The following CDH12 variants were observed in gnomAD, a reference collection of about 807,000 sequenced individuals.
CDH12 encodes the protein cadherin 12.
A neutral mutation model predicts 74.1 loss-of-function variants in CDH12; 41 were observed. The ratio of observed to expected loss-of-function variants is 0.55; its 90% CI spans 0.43 to 0.72. The LOEUF is 0.72. Among genes scored for constraint, CDH12 ranks in the 30% least tolerant of loss-of-function variants. The pLI, the probability that CDH12 is intolerant of heterozygous loss-of-function variation, is 0.00. For synonymous variants in CDH12, 399 were observed against 355.0 expected, an observed-to-expected ratio of 1.12 and a Z score of -1.39; for missense variants, 945 against 977.2, an observed-to-expected ratio of 0.97 and a Z score of 0.44.
intron 3 of CDH12, among the ~76,000 whole-genome samples, chr5:22,323,852 T>C (rs1317827139): frequency 6.6e-6 from 1 of 152,164 alleles, no homozygotes; most frequent in Non-Finnish European, 1.5e-5. Flanking sequence ...CCTAGAGCAC[T>C]GGTTTAGGTT....
intron 1 of CDH12, among the ~76,000 whole-genome samples, chr5:22,840,969 G>A (rs546136780): frequency 3.3e-5 from 5 of 152,226 alleles, no homozygotes; most frequent in East Asian, 3.9e-4. Flanking sequence ...GAAGAACAAG[G>A]GGAAGGATGC....
intron 4 of CDH12, chr5:22,142,698 C>T (rs1032793108): frequency 5.1e-5 from 17 of 331,176 alleles, no homozygotes; most frequent in African/African-American, 3.3e-4. Context: ...CTCAATTACA[C>T]CTGCCAAAAA....
Position 21,895,466 on chromosome 5 carries a change from C to T in CDH12, c.527-40676G>A, listed in dbSNP as rs188023183. 1.3e-4 allele frequency among the ~76,000 whole-genome samples: 20 copies of T among 152,274 alleles called. No individual in the cohort carries two copies. The East Asian group carries it at 2.3e-3, about 18-fold the overall frequency. On this transcript the variant is annotated intron_variant, in intron 6 of 14. Transcript: ENST00000382254. Reference sequence around the variant, plus strand: ...AGCTTCTTGACTTAGCCCATCAGGACGCTCATCCTGCCCTTAAGGAGCTGC... The same window carrying T: ...AGCTTCTTGACTTAGCCCATCAGGATGCTCATCCTGCCCTTAAGGAGCTGC...
At chr5:22,533,665 T>C (rs1328808085) in intron 1 of CDH12, among the ~76,000 whole-genome samples, 1 of 152,136 alleles carries the variant, frequency 6.6e-6, no homozygotes. Flanking sequence ...GTAGGTTGGG[T>C]TTAGAATTCA....
chr5:22,211,334 T>C (rs544798949), intron 4 of CDH12, among the ~76,000 whole-genome samples: 1 of 152,314 alleles, frequency 6.6e-6, no homozygotes, highest in South Asian at 2.1e-4. Context: ...TGTTTCAGTA[T>C]TATACGTGAT....
chr5:22,180,071 C>T (rs1293557331), intron 4 of CDH12, among the ~76,000 whole-genome samples: 1 of 152,120 alleles, frequency 6.6e-6, no homozygotes, highest in East Asian at 1.9e-4. Context: ...TCATTAATTT[C>T]CCTCATTTAT....
intron 1 of CDH12, among the ~76,000 whole-genome samples, chr5:22,636,712 G>A (rs920759792): frequency 6.6e-6 from 1 of 152,144 alleles, no homozygotes; most frequent in African/African-American, 2.4e-5. Flanking sequence ...CAGAGGAAAG[G>A]GTGATGAAAA....
intron 2 of CDH12, among the ~76,000 whole-genome samples, chr5:22,407,129 A>T (rs915899263): frequency 2.0e-5 from 3 of 152,108 alleles, no homozygotes; most frequent in Non-Finnish European, 4.4e-5. Context: ...ATCAATGTAC[A>T]CATTATATCC....
At chr5:22,767,067 C>A (rs921540119) in intron 1 of CDH12, among the ~76,000 whole-genome samples, 4 of 151,920 alleles carry the variant, frequency 2.6e-5, no homozygotes, top group Non-Finnish European at 4.4e-5. Flanking sequence ...ACACTCATTG[C>A]ATGTATTTGA....
chr5:21,897,868 T>C (rs931329135), intron 6 of CDH12, among the ~76,000 whole-genome samples: 3 of 152,184 alleles, frequency 2.0e-5, no homozygotes, highest in African/African-American at 7.2e-5. Context: ...GATTGAAATT[T>C]TAAAGGCTTC....
chr5:22,701,130 T>C (rs1742693452), intron 1 of CDH12, among the ~76,000 whole-genome samples: 1 of 152,146 alleles, frequency 6.6e-6, no homozygotes, highest in Non-Finnish European at 1.5e-5. Context: ...CAAATTTATT[T>C]CTCTAACAAG....
intron 1 of CDH12, among the ~76,000 whole-genome samples, chr5:22,780,748 G>A (rs754788396): frequency 1.2e-4 from 19 of 152,060 alleles, no homozygotes; most frequent in Admixed American, 5.9e-4. Context: ...ACACTCTGGC[G>A]TAGGTGACAG....
At chr5:22,662,876 C>T (rs1004048455) in intron 1 of CDH12, among the ~76,000 whole-genome samples, 2 of 152,136 alleles carry the variant, frequency 1.3e-5, no homozygotes, top group Non-Finnish European at 2.9e-5. Context: ...TCACTCCTCC[C>T]CAACAGTGAA....
At chr5:22,274,583 A>C (rs1006245643) in intron 3 of CDH12, among the ~76,000 whole-genome samples, 1 of 152,040 alleles carries the variant, frequency 6.6e-6, no homozygotes, top group African/African-American at 2.4e-5. Flanking sequence ...TTTTGAAGTT[A>C]CTATTTTCAG....
intron 3 of CDH12, among the ~76,000 whole-genome samples, chr5:22,260,021 T>C (rs971513832): frequency 6.6e-6 from 1 of 152,098 alleles, no homozygotes; most frequent in Non-Finnish European, 1.5e-5. Flanking sequence ...CATGTGTGTC[T>C]ATTAAATCCA....
chr5:22,316,370 A>T (rs1738635265), intron 3 of CDH12, among the ~76,000 whole-genome samples: 1 of 152,124 alleles, frequency 6.6e-6, no homozygotes, highest in Admixed American at 6.5e-5. Flanking sequence ...TTAAAAATAA[A>T]AAGTTTGTAG....
At chr5:22,820,668 C>T (rs1421055472) in intron 1 of CDH12, among the ~76,000 whole-genome samples, 1 of 152,114 alleles carries the variant, frequency 6.6e-6, no homozygotes, top group East Asian at 1.9e-4. Flanking sequence ...CATACATCCT[C>T]CCAAGACTAA....
intron 6 of CDH12, among the ~76,000 whole-genome samples, chr5:21,953,096 A>C (rs1039076585): frequency 6.6e-6 from 1 of 151,114 alleles, no homozygotes; most frequent in African/African-American, 2.4e-5. Flanking sequence ...TGATACCTTT[A>C]AAGGTCTGAA....
At chr5:22,816,634 A>G (rs1190522313) in intron 1 of CDH12, among the ~76,000 whole-genome samples, 2 of 152,162 alleles carry the variant, frequency 1.3e-5, no homozygotes, top group Non-Finnish European at 2.9e-5. Context: ...TTAAGTTTCC[A>G]ACCACTTTTA....
Sources: gnomAD v4.1 joint callset for allele counts (sites outside exome capture counted in the v4.1 genomes callset) on GRCh38, gnomAD v4.1.1 for gene constraint, MANE v1.5 for transcripts, NCBI Gene and HGNC (gene_info 2026-07-23, HGNC 2026-07-21) for gene names.